The following RASAL2 variants were observed in gnomAD, a reference collection of about 807,000 sequenced individuals.
The protein encoded by RASAL2 is ras GTPase-activating protein nGAP.
In RASAL2, 58 loss-of-function variants were observed where a neutral mutation model predicts 128.9. That is an observed-to-expected ratio of 0.45 (90% CI 0.36 to 0.56). The LOEUF is 0.56. Ranked by LOEUF, RASAL2 falls within the 20% of genes least tolerant of loss-of-function variation. The pLI is 0.00. For missense variants in RASAL2, 1,360 were observed against 1,601.6 expected (o/e 0.85, Z 2.57); for synonymous variants, 561 against 580.8 (o/e 0.97, Z 0.49).
At chr1:178,410,671 GAAA>G (rs955599476) in intron 4 of RASAL2, among the ~76,000 whole-genome samples, 1 of 141,728 alleles carries the variant, frequency 7.1e-6, no homozygotes, top group Non-Finnish European at 1.6e-5. Context: ...AACAAATCAA[GAAA>G]AAAAAAACAG....
At chr1:178,095,515 G>A (rs1658642866) in intron 1 of RASAL2, among the ~76,000 whole-genome samples, 1 of 152,184 alleles carries the variant, frequency 6.6e-6, no homozygotes, top group African/African-American at 2.4e-5. Context: ...CCTAGCTCAC[G>A]TGACTGCAGA....
At chr1:178,197,970 A>C (rs1662729789) in intron 1 of RASAL2, among the ~76,000 whole-genome samples, 1 of 152,086 alleles carries the variant, frequency 6.6e-6, no homozygotes, top group African/African-American at 2.4e-5. Flanking sequence ...TGTCCTTGGA[A>C]TAGTTTGCTC....
chr1:178,398,214 C>G (rs1673371458), intron 4 of RASAL2, among the ~76,000 whole-genome samples: 1 of 151,902 alleles, frequency 6.6e-6, no homozygotes, highest in African/African-American at 2.4e-5. Flanking sequence ...ATAGTACTAA[C>G]TACTTTTACT....
chr1:178,111,062 T>G (rs1328033762), intron 1 of RASAL2, among the ~76,000 whole-genome samples: 1 of 152,206 alleles, frequency 6.6e-6, no homozygotes, highest in East Asian at 1.9e-4. Context: ...TTTGTTTGGC[T>G]TCTTTCAGCA....
intron 1 of RASAL2, among the ~76,000 whole-genome samples, chr1:178,142,364 T>A (rs2101861570): frequency 6.6e-6 from 1 of 152,264 alleles, no homozygotes; most frequent in South Asian, 2.1e-4. Flanking sequence ...GAAAAATTCC[T>A]TTCCCTCCTC....
At chr1:178,277,926 C>T (rs1666600815) in intron 1 of RASAL2, among the ~76,000 whole-genome samples, 2 of 152,188 alleles carry the variant, frequency 1.3e-5, no homozygotes, top group South Asian at 2.1e-4. Flanking sequence ...AATAGTGTTA[C>T]AGTCTCACCA....
At chr1:178,215,712 T>G (rs188989881) in intron 1 of RASAL2, among the ~76,000 whole-genome samples, 29 of 152,298 alleles carry the variant, frequency 1.9e-4, no homozygotes, top group Middle Eastern at 6.8e-3. Flanking sequence ...GTATTATGAA[T>G]GTTTATTTTG....
chr1:178,204,315 A>G (rs536067525), intron 1 of RASAL2, among the ~76,000 whole-genome samples: 147 of 152,304 alleles, frequency 9.7e-4, no homozygotes, highest in African/African-American at 3.3e-3. Flanking sequence ...CAGGAGATGC[A>G]TATGGGTTCA....
intron 3 of RASAL2, among the ~76,000 whole-genome samples, chr1:178,307,123 A>G (rs1022281639): frequency 6.6e-6 from 1 of 152,060 alleles, no homozygotes; most frequent in Non-Finnish European, 1.5e-5. Context: ...TTTTAAAAAA[A>G]GGTACAGTAT....
chr1:178,214,284 A>C (rs930711791), intron 1 of RASAL2, among the ~76,000 whole-genome samples: 1 of 151,266 alleles, frequency 6.6e-6, no homozygotes, highest in Non-Finnish European at 1.5e-5. Flanking sequence ...TGAATGAATG[A>C]ATGAATGAAT....
At chr1:178,141,599 A>G (rs1446342941) in intron 1 of RASAL2, among the ~76,000 whole-genome samples, 2 of 152,018 alleles carry the variant, frequency 1.3e-5, no homozygotes, top group African/African-American at 2.4e-5. Flanking sequence ...TTGGCCGTCG[A>G]CTGCTCCAAC....
intron 1 of RASAL2, among the ~76,000 whole-genome samples, chr1:178,218,475 T>C (rs964324767): frequency 2.6e-5 from 4 of 152,120 alleles, no homozygotes; most frequent in Admixed American, 1.3e-4. Flanking sequence ...TTACCTGAGG[T>C]CAGGAGTTCA....
chr1:178,143,459 C>A (rs879836563), intron 1 of RASAL2, among the ~76,000 whole-genome samples: 23 of 151,694 alleles, frequency 1.5e-4, no homozygotes, highest in Admixed American at 4.6e-4. Flanking sequence ...TTAAAAAAAA[C>A]CCCAAATCAT....
chr1:178,348,475 T>C (rs1670265369), intron 3 of RASAL2, among the ~76,000 whole-genome samples: 1 of 152,056 alleles, frequency 6.6e-6, no homozygotes. Context: ...TAAAATTATT[T>C]TTTTGTAAAG....
rs148278493 is a variant in RASAL2, at chr1:178,195,727, T to G, written c.203-87837T>G. On this transcript the variant is annotated intron_variant, in intron 1 of 17. Transcript: ENST00000367649. Reference sequence around the variant, plus strand: ...GAATCATTTTTTATGACATCAGAACTAAACAGAATTACTCATCAAACTATA... The same window carrying G: ...GAATCATTTTTTATGACATCAGAACGAAACAGAATTACTCATCAAACTATA... Among the ~76,000 whole-genome samples the G allele has an allele frequency of 3.0e-4, 45 of 152,244 alleles. No individual in the cohort carries two copies. In the East Asian group the frequency reaches 7.3e-3, roughly 25 times the overall value.
At chr1:178,366,403 G>A (rs1476813978) in intron 3 of RASAL2, among the ~76,000 whole-genome samples, 2 of 152,104 alleles carry the variant, frequency 1.3e-5, no homozygotes, top group African/African-American at 2.4e-5. Context: ...TGAGTATCTA[G>A]CATTAATCTT....
At chr1:178,108,282 G>A (rs1250406512) in intron 1 of RASAL2, among the ~76,000 whole-genome samples, 1 of 151,708 alleles carries the variant, frequency 6.6e-6, no homozygotes, top group East Asian at 1.9e-4. Flanking sequence ...CCTCTTTTTT[G>A]CATGAATTCT....
chr1:178,146,361 G>T (rs1361218768), intron 1 of RASAL2, among the ~76,000 whole-genome samples: 1 of 152,236 alleles, frequency 6.6e-6, no homozygotes, highest in East Asian at 1.9e-4. Context: ...GCGAAGCCTT[G>T]CAGGCTTTAT....
intron 4 of RASAL2, among the ~76,000 whole-genome samples, chr1:178,399,356 C>T (rs545521428): frequency 6.9e-5 from 10 of 144,310 alleles, no homozygotes; most frequent in Admixed American, 3.5e-4. Flanking sequence ...ATAGAAACCA[C>T]AACTGTGTTT....
Sources: allele counts gnomAD v4.1 joint callset (sites outside exome capture counted in the v4.1 genomes callset), GRCh38; gene constraint gnomAD v4.1.1; transcripts MANE v1.5; gene names NCBI Gene and HGNC (gene_info 2026-07-23, HGNC 2026-07-21).